Variants in INSC observed in about 807,000 individuals in gnomAD.
The protein encoded by INSC is INSC spindle orientation adaptor protein.
INSC carries 67 observed loss-of-function variants against 58.6 expected under a neutral mutation model. The ratio of observed to expected loss-of-function variants is 1.14; its 90% CI spans 0.94 to 1.40. The LOEUF (loss-of-function observed/expected upper bound fraction) is 1.40, where lower values mean the gene tolerates loss of function less well. INSC is among the 40% of genes most tolerant of loss of function. INSC has a pLI of 0.00. For missense variants in INSC, 714 were observed against 692.0 expected, an observed-to-expected ratio of 1.03 and a Z score of -0.36; for synonymous variants, 262 against 276.1, an observed-to-expected ratio of 0.95 and a Z score of 0.51.
intron 12 of INSC, among the ~76,000 whole-genome samples, chr11:15,244,016 G>C (rs1169470809): frequency 6.7e-6 from 1 of 149,776 alleles, no homozygotes; most frequent in Non-Finnish European, 1.5e-5. Context: ...CTGTTTCTTG[G>C]CTATTTCCCT....
intron 9 of INSC, among the ~76,000 whole-genome samples, chr11:15,233,042 C>T (rs1354402922): frequency 6.6e-6 from 1 of 152,146 alleles, no homozygotes; most frequent in African/African-American, 2.4e-5. Flanking sequence ...AAAATGAATA[C>T]ACCAAGCCAC....
chr11:15,193,093 G>C (rs78238202), intron 6 of INSC, among the ~76,000 whole-genome samples: 3,753 of 152,272 alleles, frequency 0.025, 138 homozygotes, highest in African/African-American at 0.07. Context: ...TGTGAGCTTT[G>C]ATTCCAAAGG....
At chr11:15,150,803 G>C (rs1484277387) in intron 2 of INSC, among the ~76,000 whole-genome samples, 4 of 152,138 alleles carry the variant, frequency 2.6e-5, no homozygotes, top group Non-Finnish European at 5.9e-5. Flanking sequence ...ATAAGCAAAA[G>C]AACAAAACTC....
chr11:15,202,904 T>C (rs1011587736), intron 7 of INSC, among the ~76,000 whole-genome samples: 1 of 152,260 alleles, frequency 6.6e-6, no homozygotes, highest in Non-Finnish European at 1.5e-5. Context: ...TCTTTCGCAG[T>C]ATAGACGGCC....
rs1852587529 is a variant in INSC at position 15,247,010 on chromosome 11, A to G, written c.*970A>G. 1 of 150,210 alleles carries G rather than the reference A, an allele frequency of 6.7e-6. No individual in the cohort carries two copies. Among genetic ancestry groups the G allele is most frequent in the Admixed American group, 6.6e-5 (1 of 15,114 alleles). 9.3% of individuals were successfully genotyped at this position (150,210 alleles called of 1,614,324 possible). ...TACACCACAGAAATTCACAGATGCT[A>G]TAAAGCACAGCTTTCGCTTTTTTTT... On this transcript the variant is annotated 3_prime_UTR_variant, in exon 13 of 13. Transcript: ENST00000379556.
intron 11 of INSC, among the ~76,000 whole-genome samples, chr11:15,240,228 C>A (rs1852291210): frequency 6.6e-6 from 1 of 152,166 alleles, no homozygotes; most frequent in Non-Finnish European, 1.5e-5. Flanking sequence ...CAAATGTTAA[C>A]CCGCATCTGT....
chr11:15,241,403 A>G (rs1210572580), intron 12 of INSC, among the ~76,000 whole-genome samples: 2 of 152,186 alleles, frequency 1.3e-5, no homozygotes, highest in Non-Finnish European at 2.9e-5. Context: ...GGAGTTTCTG[A>G]TGGGCGTTGT....
the INSC span, among the ~76,000 whole-genome samples, chr11:15,267,671 G>A: frequency 0.012 from 1,821 of 151,870 alleles, 45 homozygotes; most frequent in African/African-American, 0.041. Flanking sequence ...AAGATATAGT[G>A]TATATTTGTA....
chr11:15,260,986 C>G, the INSC span, among the ~76,000 whole-genome samples: 1 of 152,138 alleles, frequency 6.6e-6, no homozygotes, highest in Middle Eastern at 3.2e-3. Context: ...AATCTCTGGG[C>G]CAAAGGTGGA....
chr11:15,235,204 A>G (rs531403038), intron 9 of INSC: 1 of 253,976 alleles, frequency 3.9e-6, no homozygotes, highest in South Asian at 6.0e-5. Context: ...ATCCAGAGTA[A>G]GAGCTAGCTG....
intron 1 of INSC, among the ~76,000 whole-genome samples, chr11:15,147,376 C>T (rs1199582318): frequency 6.6e-6 from 1 of 152,210 alleles, no homozygotes; most frequent in African/African-American, 2.4e-5. Context: ...TTTTCTGCAT[C>T]TCCCTTAGCA....
intron 8 of INSC, among the ~76,000 whole-genome samples, chr11:15,222,423 G>A (rs554033590): frequency 3.3e-5 from 5 of 152,196 alleles, no homozygotes; most frequent in South Asian, 2.1e-4. Context: ...ATTAGCTCTT[G>A]GAGTCACCAT....
chr11:15,167,156 A>T (rs1849226323), intron 2 of INSC, among the ~76,000 whole-genome samples: 1 of 151,884 alleles, frequency 6.6e-6, no homozygotes, highest in Admixed American at 6.6e-5. Context: ...TTTAGTTTAA[A>T]TGTGAGCAGC....
intron 7 of INSC, among the ~76,000 whole-genome samples, chr11:15,202,063 T>C (rs1850614373): frequency 6.6e-6 from 1 of 152,186 alleles, no homozygotes; most frequent in African/African-American, 2.4e-5. Flanking sequence ...AAGGATGGAA[T>C]GTGGATAGGG....
chr11:15,133,528 A>G (rs1848171721), intron 1 of INSC, among the ~76,000 whole-genome samples: 1 of 152,218 alleles, frequency 6.6e-6, no homozygotes, highest in Non-Finnish European at 1.5e-5. Flanking sequence ...CTCATTGTTG[A>G]CAATGTTGAC....
At chr11:15,198,556 A>T (rs1305698773) in intron 6 of INSC, among the ~76,000 whole-genome samples, 1 of 152,178 alleles carries the variant, frequency 6.6e-6, no homozygotes, top group Non-Finnish European at 1.5e-5. Context: ...TCAGATGTAA[A>T]TGTCTCTCAA....
At chr11:15,148,095 GGGTAGCTGGTTTGGGTT>G (rs1225500633) in intron 1 of INSC, among the ~76,000 whole-genome samples, 1 of 152,208 alleles carries the variant, frequency 6.6e-6, no homozygotes, top group Non-Finnish European at 1.5e-5. Context: ...ACAAACAGGT[GGGTAGCTGGTTTGGGTT>G]TAAATGTGAG....
chr11:15,113,639 G>A (rs1847626450), upstream of INSC, among the ~76,000 whole-genome samples: 1 of 152,184 alleles, frequency 6.6e-6, no homozygotes, highest in Non-Finnish European at 1.5e-5. Flanking sequence ...GGGAACTTGG[G>A]GAGTAGAATC....
chr11:15,230,611 G>A (rs1421940487), intron 9 of INSC, among the ~76,000 whole-genome samples: 1 of 152,182 alleles, frequency 6.6e-6, no homozygotes, highest in Non-Finnish European at 1.5e-5. Flanking sequence ...GTGTAGTATT[G>A]GAGGAATCCA....
Sources: gnomAD v4.1 joint callset for allele counts (sites outside exome capture counted in the v4.1 genomes callset) on GRCh38, gnomAD v4.1.1 for gene constraint, MANE v1.5 for transcripts, NCBI Gene and HGNC (gene_info 2026-07-23, HGNC 2026-07-21) for gene names.